Variants in INCENP observed in about 807,000 individuals in gnomAD.
INCENP encodes binds and activates aurora-B and -C in vivo and in vitro.
A neutral mutation model predicts 107.3 loss-of-function variants in INCENP; 43 were observed. The ratio of observed to expected loss-of-function variants is 0.40; its 90% CI spans 0.31 to 0.52. The LOEUF is 0.52. Among genes scored for constraint, INCENP ranks in the 20% least tolerant of loss-of-function variants. INCENP has a pLI of 0.53. For synonymous variants in INCENP, 488 were observed against 494.4 expected, an observed-to-expected ratio of 0.99 and a Z score of 0.17; for missense variants, 1,089 against 1,250.9, an observed-to-expected ratio of 0.87 and a Z score of 1.95.
At position 62,130,138 on chromosome 11, in the gene INCENP, C is replaced by T; in HGVS notation, c.611C>T (p.Thr204Ile). The change falls in exon 4 of 19, where the codon ACA (threonine) becomes ATA (isoleucine). Residue 204 changes from threonine to isoleucine, a missense_variant. Transcript: ENST00000394818. ...RTLSPTPASA[T>I]APTSQGIPTS... ...CTGTCCCCGACTCCAGCTTCAGCCA[C>T]AGCTCCAACCTCCCAGGGCATCCCG... is the stretch of plus-strand genomic sequence containing the variant. 6.2e-7 allele frequency: 1 copy of T among 1,613,886 alleles called. No individual in the cohort carries two copies. The highest frequency in any genetic ancestry group is 8.5e-7 in the Non-Finnish European group (1 of 1,180,042).
rs771580708 is a variant in INCENP at position 62,148,481 on chromosome 11, T to C, written c.2210T>C (p.Leu737Pro). Residue 737 changes from leucine to proline, a missense_variant, in exon 16 of 19, where the codon CTG becomes CCG. Leu to Pro is a moderately conservative substitution (Grantham distance 98, BLOSUM62 -3). Coordinates refer to ENST00000394818, the MANE Select transcript of INCENP (RefSeq NM_001040694.2). ...GGCTCTTGCTGGGTCCTCAGGGAGC[T>C]GCAGGAGCGGGAGAAGGCCCTGCGG... ...EQERLQAERE[L>P]QEREKALRLQ... is the part of the protein sequence containing the mutation. 81 of 1,602,312 alleles carry C rather than the reference T, an allele frequency of 5.1e-5. No homozygotes were observed. The highest frequency in any genetic ancestry group is 6.5e-5 in the Non-Finnish European group (77 of 1,175,678).
intron 4 of INCENP, among the ~76,000 whole-genome samples, chr11:62,132,024 A>C (rs1234814880): frequency 6.6e-6 from 1 of 152,128 alleles, no homozygotes; most frequent in Non-Finnish European, 1.5e-5. Flanking sequence ...CCTGACCTCA[A>C]GTGATTCACC....
Position 62,141,529 on chromosome 11 carries a change from C to G in INCENP, c.1605+18C>G. On this transcript the variant is annotated intron_variant, in intron 11 of 18. Transcript: ENST00000394818. ...GCTTCGTCGTAAGTAAAGCCTTTTC[C>G]TGTCGGTAACCTCGCCCCACCTAGC... 6.2e-7 allele frequency: 1 copy of G among 1,614,044 alleles called. No individual in the cohort carries two copies. The highest frequency in any genetic ancestry group is 8.5e-7 in the Non-Finnish European group (1 of 1,179,888).
intron 11 of INCENP, 108 bp from the exon 12 acceptor site, chr11:62,144,874 C>T (rs1944203198): frequency 8.2e-6 from 8 of 972,670 alleles, no homozygotes; most frequent in Non-Finnish European, 1.3e-5. Context: ...CATTCTGATG[C>T]TGCCACCCAC....
At chr11:62,127,905 G>A (rs868596857) in intron 1 of INCENP, among the ~76,000 whole-genome samples, 8 of 152,210 alleles carry the variant, frequency 5.3e-5, no homozygotes, top group African/African-American at 1.9e-4. Flanking sequence ...ATGCTGGCGG[G>A]GGGGTGGGGA....
At chr11:62,132,186 G>A (rs753212726) in intron 4 of INCENP, among the ~76,000 whole-genome samples, 4 of 152,260 alleles carry the variant, frequency 2.6e-5, no homozygotes, top group Non-Finnish European at 5.9e-5. Flanking sequence ...CCTTACAGCA[G>A]CATTGTTAGC....
intron 11 of INCENP, chr11:62,141,765 C>A: frequency 1.7e-6 from 1 of 591,448 alleles, no homozygotes; most frequent in Non-Finnish European, 3.0e-6. Flanking sequence ...TGGCTTTTCA[C>A]CAGGGCTACA....
At chr11:62,136,610 G>A (rs938718346) in intron 4 of INCENP, among the ~76,000 whole-genome samples, 24 of 152,218 alleles carry the variant, frequency 1.6e-4, no homozygotes, top group African/African-American at 5.8e-4. Flanking sequence ...GAACCCATGA[G>A]GTGGAGGTTG....
chr11:62,126,116 C>T (rs535865601), intron 1 of INCENP, among the ~76,000 whole-genome samples: 15 of 152,260 alleles, frequency 9.9e-5, no homozygotes, highest in Admixed American at 7.2e-4. Context: ...CCTGGTGCTA[C>T]GCCCTGTGAG....
At position 62,130,250 on chromosome 11, in the gene INCENP, G is replaced by A. The variant is rs1943856999; in HGVS notation, c.723G>A (p.Gln241=). Residue 241 remains glutamine (Q), a synonymous_variant, in exon 4 of 19, where the codon CAG becomes CAA. Transcript: ENST00000394818. ...TGAGCTCCCTGATGGCTACACCCCAGGACCCCAAGGGTCAAGGGGTCGGGA... is the reference window on the plus strand; with the variant it reads ...TGAGCTCCCTGATGGCTACACCCCAAGACCCCAAGGGTCAAGGGGTCGGGA... The part of the protein sequence containing the change: ...ITVSSLMATP[Q]DPKGQGVGTG... 3.7e-6 allele frequency: 6 copies of A among 1,613,414 alleles called. No individual in the cohort carries two copies. The highest frequency in any genetic ancestry group is 5.1e-6 in the Non-Finnish European group (6 of 1,179,924).
chr11:62,129,350 C>T (rs987289259), intron 3 of INCENP, among the ~76,000 whole-genome samples: 2 of 152,016 alleles, frequency 1.3e-5, no homozygotes, highest in African/African-American at 4.8e-5. Context: ...AGCTCTGCCC[C>T]TTAGCAGAGC....
At chr11:62,133,319 A>G (rs1350788222) in intron 4 of INCENP, among the ~76,000 whole-genome samples, 2 of 152,226 alleles carry the variant, frequency 1.3e-5, no homozygotes, top group Non-Finnish European at 2.9e-5. Flanking sequence ...GAGATAGGAA[A>G]AAAAGCCAGC....
chr11:62,148,331 TG>T, intron 15 of INCENP, 144 bp from the exon 16 acceptor site: 1 of 702,518 alleles, frequency 1.4e-6, no homozygotes, highest in South Asian at 1.9e-5. Flanking sequence ...GCGCAGCTCT[TG>T]GCTCTAAGCT....
chr11:62,147,183 T>G (rs1944270428), intron 15 of INCENP, among the ~76,000 whole-genome samples: 1 of 152,162 alleles, frequency 6.6e-6, no homozygotes, highest in Admixed American at 6.5e-5. Flanking sequence ...GCTCAGAGGA[T>G]GAGCTGATAT....
intron 4 of INCENP, among the ~76,000 whole-genome samples, chr11:62,136,479 A>G (rs1278130750): frequency 6.6e-6 from 1 of 152,082 alleles, no homozygotes; most frequent in East Asian, 1.9e-4. Context: ...GACGAGTTCA[A>G]GACCAGCCTG....
chr11:62,145,610 G>A lies in INCENP; in HGVS notation c.1837-19G>A. The A allele has an allele frequency of 6.3e-7, 1 of 1,590,000 alleles. No individual in the cohort carries two copies. The highest frequency in any genetic ancestry group is 8.6e-7 in the Non-Finnish European group (1 of 1,168,620). ...TGAATGTGGGTGCTCCAATGGGCAT[G>A]TGTGGGTGGGCTCTGCAGGCCAAGG... On this transcript the variant is annotated intron_variant, in intron 13 of 18. Coordinates refer to ENST00000394818, the MANE Select transcript of INCENP (RefSeq NM_001040694.2).
At position 62,145,078 on chromosome 11, in the gene INCENP, G is replaced by A; in HGVS notation, c.1702G>A (p.Glu568Lys). 4 of 1,613,766 alleles carry A rather than the reference G, an allele frequency of 2.5e-6. No homozygotes were observed. Among genetic ancestry groups the A allele is most frequent in the South Asian group, 2.2e-5 (2 of 91,084 alleles). The stretch of plus-strand genomic sequence containing the variant: ...GGAGGAGGACAAGCGGCGGCGGCTG[G>A]AGGAGGTGAAGCTGTAAGTGGCCTG... Reference protein sequence around the residue: ...KVEEDKRRRLEEVKLKREERL... With the variant: ...KVEEDKRRRLKEVKLKREERL... The change falls in exon 12 of 19, where the codon GAG becomes AAG. Residue 568 changes from glutamate (E) to lysine (K), a missense_variant. Physicochemically the swap from Glu to Lys is moderately conservative, Grantham distance 56. Transcript: ENST00000394818.
chr11:62,130,468 G>C lies in INCENP; in HGVS notation c.941G>C (p.Ser314Thr), dbSNP rs776231256. ...RHSPIAPSSP[S>T]PQVLAQKYSL... Reference sequence around the variant, plus strand: ...AGCCCGATCGCCCCGTCTTCCCCGAGTCCCCAAGTCTTAGCCCAGAAGTAC... The same window carrying C: ...AGCCCGATCGCCCCGTCTTCCCCGACTCCCCAAGTCTTAGCCCAGAAGTAC... Residue 314 changes from serine to threonine, a missense_variant, in exon 4 of 19, where the codon AGT (serine) becomes ACT (threonine). Transcript: ENST00000394818. The C allele has an allele frequency of 6.2e-7, 1 of 1,614,134 alleles. No homozygotes were observed. Among genetic ancestry groups the C allele is most frequent in the East Asian group, 2.2e-5 (1 of 44,878 alleles).
Position 62,126,404 on chromosome 11 carries a change from G to A in INCENP, c.-11-1747G>A, listed in dbSNP as rs367800841. Among the ~76,000 whole-genome samples, 364 of 152,240 alleles carry A rather than the reference G, an allele frequency of 2.4e-3. 1 individual carries two copies. Among genetic ancestry groups the A allele is most frequent in the African/African-American group, 7.2e-3 (301 of 41,532 alleles). ...GTAGAGACTGGGTTTCACCACGTTG[G>A]CCAGGCTGGTCTTGAACTCCTGACC... is the stretch of plus-strand genomic sequence containing the variant. On this transcript the variant is annotated intron_variant, in intron 1 of 18. Coordinates refer to ENST00000394818, the MANE Select transcript of INCENP (RefSeq NM_001040694.2).
Sources: gnomAD v4.1 joint callset for allele counts (sites outside exome capture counted in the v4.1 genomes callset) on GRCh38, gnomAD v4.1.1 for gene constraint, MANE v1.5 for transcripts, NCBI Gene and HGNC (gene_info 2026-07-23, HGNC 2026-07-21) for gene names.